Variants in KIF15 observed in about 807,000 individuals in gnomAD.
The protein encoded by KIF15 is kinesin family member 15.
KIF15 carries 140 observed loss-of-function variants against 190.6 expected under a neutral mutation model. The observed-to-expected ratio is 0.73, with a 90% confidence interval of 0.64 to 0.84. KIF15 has a LOEUF of 0.84. KIF15 is among the 40% of genes least tolerant of loss of function. The pLI is 0.00. For missense variants in KIF15, 1,372 were observed against 1,584.4 expected, an observed-to-expected ratio of 0.87 and a Z score of 2.28; for synonymous variants, 528 against 551.3, an observed-to-expected ratio of 0.96 and a Z score of 0.59.
chr3:44,857,125 G>A (rs1699197466), downstream of KIF15, among the ~76,000 whole-genome samples: 1 of 152,156 alleles, frequency 6.6e-6, no homozygotes. Context: ...AATGTCAGGT[G>A]GATCAGAGAG....
intron 4 of KIF15, 25 bp downstream of exon 4, chr3:44,778,216 A>G: frequency 6.6e-7 from 1 of 1,524,938 alleles, no homozygotes. Flanking sequence ...GTGTCCTTAT[A>G]CATAGTACAT....
chr3:44,810,477 T>G (rs1163027364), intron 16 of KIF15, among the ~76,000 whole-genome samples: 1 of 152,136 alleles, frequency 6.6e-6, no homozygotes, highest in Non-Finnish European at 1.5e-5. Context: ...CAGCCTGGTC[T>G]TGGACTCCTG....
chr3:44,817,320 G>A (rs149487826), intron 20 of KIF15, among the ~76,000 whole-genome samples: 13 of 152,174 alleles, frequency 8.5e-5, no homozygotes, highest in African/African-American at 2.9e-4. Context: ...TTGCCCATGC[G>A]TATGTCTTGA....
intron 19 of KIF15, among the ~76,000 whole-genome samples, chr3:44,814,468 G>A (rs1290439299): frequency 6.6e-6 from 1 of 151,996 alleles, no homozygotes; most frequent in Non-Finnish European, 1.5e-5. Context: ...CACCACCACA[G>A]CCAGCTAATT....
At chr3:44,824,228 A>T (rs1424536597) in intron 20 of KIF15, among the ~76,000 whole-genome samples, 1 of 152,226 alleles carries the variant, frequency 6.6e-6, no homozygotes, top group East Asian at 1.9e-4. Flanking sequence ...TGAGTGTTTT[A>T]TTATAAAAAT....
At chr3:44,789,046 T>A (rs1240160447) in intron 7 of KIF15, among the ~76,000 whole-genome samples, 1 of 152,208 alleles carries the variant, frequency 6.6e-6, no homozygotes, top group Non-Finnish European at 1.5e-5. Context: ...ATACTGCCAT[T>A]CTGTTTCCTT....
intron 5 of KIF15, among the ~76,000 whole-genome samples, chr3:44,784,520 A>G (rs1197815582): frequency 1.3e-5 from 2 of 152,164 alleles, no homozygotes; most frequent in East Asian, 3.9e-4. Flanking sequence ...TATTATCCCC[A>G]TTTTATAATT....
At chr3:44,798,407 C>A (rs1483288146) in intron 10 of KIF15, among the ~76,000 whole-genome samples, 1 of 151,120 alleles carries the variant, frequency 6.6e-6, no homozygotes, top group Non-Finnish European at 1.5e-5. Flanking sequence ...GCTCTGTCAC[C>A]CAGGCTAGAG....
intron 26 of KIF15, 28 bp from the exon 27 acceptor site, chr3:44,838,247 A>G (rs1698419985): frequency 3.2e-6 from 5 of 1,567,624 alleles, no homozygotes; most frequent in East Asian, 2.3e-5. Context: ...ACCATAATTA[A>G]GAAACTGTGA....
At position 44,838,263 on chromosome 3, in the gene KIF15, G is replaced by A. The variant is rs1250783851; in HGVS notation, c.3172-12G>A. On this transcript the variant is annotated splice_polypyrimidine_tract_variant and intron_variant, in intron 26 of 34. Coordinates refer to ENST00000326047, the MANE Select transcript of KIF15 (RefSeq NM_020242.3). ...CCATAATTAAGAAACTGTGATGATT[G>A]TCTCCTAACAGAGGGATATGCTCTG... 6.3e-7 allele frequency: 1 copy of A among 1,584,906 alleles called. No homozygotes were observed. Among genetic ancestry groups the A allele is most frequent in the East Asian group, 2.3e-5 (1 of 43,952 alleles).
chr3:44,839,194 C>T (rs114565194), intron 27 of KIF15, among the ~76,000 whole-genome samples: 5,147 of 151,762 alleles, frequency 0.034, 127 homozygotes, highest in Non-Finnish European at 0.054. Flanking sequence ...CACGGTGAAC[C>T]CCCGTCTCTA....
chr3:44,812,146 A>G (rs1707812691), intron 17 of KIF15, 36 bp from the exon 18 acceptor site: 1 of 1,441,694 alleles, frequency 6.9e-7, no homozygotes, highest in Non-Finnish European at 9.7e-7. Context: ...AATTCCATTA[A>G]AATAAATTTT....
In KIF15 at chr3:44,847,979, A is replaced by G. The variant is rs376141855; in HGVS notation, c.3696-6A>G. 1.2e-5 allele frequency: 20 copies of G among 1,602,934 alleles called. No individual in the cohort carries two copies. The African/African-American group carries it at 1.9e-4, about 15-fold the overall frequency. ...TGCCTCCTCCCACCCCTGTTAATCT[A>G]TGCAGTGATCAGAATCATCCAGATA... is the stretch of plus-strand genomic sequence containing the variant. On this transcript the variant is annotated splice_region_variant and splice_polypyrimidine_tract_variant and intron_variant, in intron 30 of 34. Coordinates refer to ENST00000326047, the MANE Select transcript of KIF15 (RefSeq NM_020242.3).
intron 26 of KIF15, among the ~76,000 whole-genome samples, chr3:44,834,119 A>C (rs756254227): frequency 4.6e-5 from 7 of 152,190 alleles, no homozygotes; most frequent in Non-Finnish European, 8.8e-5. Context: ...AGATTCATAC[A>C]TTTTAGATTC....
Position 44,861,108 on chromosome 3 carries a change from C to G in KIF15, c.*59+8314C>G, listed in dbSNP as rs189623165. Among the ~76,000 whole-genome samples, 135 of 152,306 alleles carry G rather than the reference C, an allele frequency of 8.9e-4. 1 individual carries two copies. Among genetic ancestry groups the G allele is most frequent in the Admixed American group, 1.6e-3 (25 of 15,302 alleles). On this transcript the variant is annotated intron_variant and NMD_transcript_variant, in intron 6 of 6. Transcript: ENST00000422209. ...CCAGGTTCAAGCGCTTCTCCTGCCTCGGCCTCCCGAGTAGCTGGGATTACA... is the reference window on the plus strand; with the variant it reads ...CCAGGTTCAAGCGCTTCTCCTGCCTGGGCCTCCCGAGTAGCTGGGATTACA...
At chr3:44,818,492 T>A (rs1272772072) in intron 20 of KIF15, among the ~76,000 whole-genome samples, 2 of 152,228 alleles carry the variant, frequency 1.3e-5, no homozygotes, top group African/African-American at 4.8e-5. Context: ...CTGCATCTAT[T>A]GAGATAATCA....
chr3:44,807,338 C>A (rs1289305187), intron 16 of KIF15, among the ~76,000 whole-genome samples: 2 of 152,022 alleles, frequency 1.3e-5, no homozygotes, highest in Non-Finnish European at 2.9e-5. Flanking sequence ...GATTCTCCTG[C>A]CTCTGCCTCC....
At chr3:44,810,443 G>C (rs1309087095) in intron 16 of KIF15, among the ~76,000 whole-genome samples, 3 of 151,632 alleles carry the variant, frequency 2.0e-5, no homozygotes, top group East Asian at 1.9e-4. Context: ...TTTTTTGGTA[G>C]AGACAGGATC....
At chr3:44,827,595 G>A (rs941018916) in intron 23 of KIF15, 67 bp downstream of exon 23, 1 of 927,994 alleles carries the variant, frequency 1.1e-6, no homozygotes, top group African/African-American at 1.7e-5. Flanking sequence ...TACCTAAAAG[G>A]CTTATTATAA....
Sources: gnomAD v4.1 joint callset for allele counts (sites outside exome capture counted in the v4.1 genomes callset) on GRCh38, gnomAD v4.1.1 for gene constraint, MANE v1.5 for transcripts, NCBI Gene and HGNC (gene_info 2026-07-23, HGNC 2026-07-21) for gene names.